Variants in KIF27 observed in about 807,000 individuals in gnomAD.
KIF27 encodes kinesin-like protein KIF27.
In KIF27, 84 loss-of-function variants were observed where a neutral mutation model predicts 141.8. The ratio of observed to expected loss-of-function variants is 0.59; its 90% CI spans 0.50 to 0.71. The LOEUF is 0.71. KIF27 is among the 30% of genes least tolerant of loss of function. KIF27 has a pLI of 0.00. For synonymous variants in KIF27, 471 were observed against 569.5 expected, an observed-to-expected ratio of 0.83 and a Z score of 2.46; for missense variants, 1,306 against 1,628.4, an observed-to-expected ratio of 0.80 and a Z score of 3.41.
intron 1 of KIF27, among the ~76,000 whole-genome samples, chr9:83,918,322 A>G (rs1955901307): frequency 1.7e-5 from 1 of 60,314 alleles, no homozygotes; most frequent in African/African-American, 1.1e-4. Context: ...AACGAGAGAA[A>G]TGGGGGGGGG....
In KIF27 at chr9:83,904,047, C is replaced by G. The variant is rs577293188; in HGVS notation, c.500-29G>C. On this transcript the variant is annotated intron_variant, in intron 3 of 17. Transcript: ENST00000297814. ...AAAATAGTAATAACATGTTTTTAAG[C>G]CAAGTTTTCATCAAAACCTAGTATA... The G allele has an allele frequency of 2.0e-5, 31 of 1,528,324 alleles. No individual in the cohort carries two copies. In the South Asian group the frequency reaches 3.7e-4, roughly 18 times the overall value. The allele number at this position is 1,528,324 out of a possible 1,614,324, so 94.7% of individuals were successfully genotyped here.
chr9:83,869,168 C>T (rs1257859140), intron 12 of KIF27, among the ~76,000 whole-genome samples: 1 of 151,960 alleles, frequency 6.6e-6, no homozygotes, highest in East Asian at 1.9e-4. Flanking sequence ...ACCCATGTCA[C>T]TATTAAATGT....
At chr9:83,857,258 G>C (rs1198986079) in intron 14 of KIF27, among the ~76,000 whole-genome samples, 1 of 152,168 alleles carries the variant, frequency 6.6e-6, no homozygotes, top group African/African-American at 2.4e-5. Flanking sequence ...CATTAAGATA[G>C]CAAACCATTC....
intron 3 of KIF27, among the ~76,000 whole-genome samples, chr9:83,904,760 A>G (rs1954318264): frequency 6.6e-6 from 1 of 151,608 alleles, no homozygotes; most frequent in Admixed American, 6.6e-5. Flanking sequence ...ATTAAAAGGC[A>G]TTCGTTTTTT....
intron 14 of KIF27, chr9:83,858,416 G>A (rs982690516): frequency 5.3e-5 from 8 of 152,006 alleles, no homozygotes; most frequent in African/African-American, 1.9e-4. Flanking sequence ...CCTTGGTTTG[G>A]TAATGATGAG....
intron 13 of KIF27, among the ~76,000 whole-genome samples, chr9:83,864,183 CTCTGA>C (rs1477767401): frequency 1.3e-5 from 2 of 152,146 alleles, no homozygotes; most frequent in African/African-American, 2.4e-5. Flanking sequence ...TTCAGTTCTG[CTCTGA>C]TCTTAGTTAT....
At chr9:83,876,245 C>G (rs947937258) in intron 11 of KIF27, among the ~76,000 whole-genome samples, 23 of 152,060 alleles carry the variant, frequency 1.5e-4, no homozygotes, top group South Asian at 8.3e-4. Flanking sequence ...TTTTCCATAG[C>G]TGCAATTAAA....
rs1280849053 is a variant in KIF27, at chr9:83,835,137, T to C, written c.*1864A>G. On this transcript the variant is annotated 3_prime_UTR_variant, in exon 18 of 18. Coordinates refer to ENST00000297814, the MANE Select transcript of KIF27 (RefSeq NM_017576.4). ...TTTACTTATGGAAATACAAACACAT[T>C]TCCTTATATACTTGTATATGTACAA... Among the ~76,000 whole-genome samples the C allele has an allele frequency of 6.7e-6, 1 of 149,962 alleles. No individual in the cohort carries two copies. The highest frequency in any genetic ancestry group is 1.5e-5 in the Non-Finnish European group (1 of 67,488).
In KIF27 at chr9:83,864,304, G is replaced by T. The variant is rs180952543; in HGVS notation, c.2934+3380C>A. Among the ~76,000 whole-genome samples, 133 of 152,112 alleles carry T rather than the reference G, an allele frequency of 8.7e-4. 1 individual carries two copies. Among genetic ancestry groups the T allele is most frequent in the African/African-American group, 3.1e-3 (129 of 41,492 alleles). ...TAGATCTTTCCTGCTTTCTCTTGTC[G>T]GCATTTAGTGCTATAAATTTCCCTC... On this transcript the variant is annotated intron_variant, in intron 13 of 17. Coordinates refer to ENST00000297814, the MANE Select transcript of KIF27 (RefSeq NM_017576.4).
Position 83,835,686 on chromosome 9 carries a change from G to A in KIF27, c.*1315C>T, listed in dbSNP as rs1010871081. Reference sequence around the variant, plus strand: ...AGATGATCAAATCCACAGCAACAGAGGAAAGGACAAAAGGAAAAGGTCTGT... The same window carrying A: ...AGATGATCAAATCCACAGCAACAGAAGAAAGGACAAAAGGAAAAGGTCTGT... On this transcript the variant is annotated 3_prime_UTR_variant, in exon 18 of 18. Coordinates refer to ENST00000297814, the MANE Select transcript of KIF27 (RefSeq NM_017576.4). 6.6e-6 allele frequency: 1 copy of A among 151,962 alleles called. No homozygotes were observed. Among genetic ancestry groups the A allele is most frequent in the Non-Finnish European group, 1.5e-5 (1 of 68,006 alleles). The allele number at this position is 151,962 out of a possible 1,614,324, so 9.4% of individuals were successfully genotyped here. A position where few individuals can be genotyped will look rare whatever the true frequency, so the allele number is the denominator to read the frequency against.
intron 17 of KIF27, among the ~76,000 whole-genome samples, chr9:83,839,998 T>C (rs1946380857): frequency 6.6e-6 from 1 of 152,100 alleles, no homozygotes; most frequent in Non-Finnish European, 1.5e-5. Context: ...AAGATAGTTA[T>C]TAACTAGGAT....
intron 11 of KIF27, among the ~76,000 whole-genome samples, chr9:83,872,925 A>G (rs937022908): frequency 6.6e-5 from 10 of 152,208 alleles, no homozygotes; most frequent in African/African-American, 2.2e-4. Flanking sequence ...CTTGCTGAAA[A>G]AGCAGAGAGG....
intron 3 of KIF27, among the ~76,000 whole-genome samples, chr9:83,906,545 A>G (rs1177664929): frequency 3.3e-5 from 5 of 152,030 alleles, no homozygotes; most frequent in Non-Finnish European, 7.4e-5. Context: ...GTTCAAGACC[A>G]GCCTGGGCAA....
At chr9:83,878,327 T>C (rs1951400923) in intron 11 of KIF27, among the ~76,000 whole-genome samples, 1 of 152,078 alleles carries the variant, frequency 6.6e-6, no homozygotes, top group Non-Finnish European at 1.5e-5. Context: ...GCTGCTGCTA[T>C]GGAGAACAGT....
intron 17 of KIF27, among the ~76,000 whole-genome samples, chr9:83,839,799 C>A (rs1025806180): frequency 6.6e-6 from 1 of 152,066 alleles, no homozygotes; most frequent in Non-Finnish European, 1.5e-5. Context: ...AAAAAATTAG[C>A]CGGGCCTGAT....
At chr9:83,916,554 T>C (rs1266714252) in intron 1 of KIF27, among the ~76,000 whole-genome samples, 1 of 152,254 alleles carries the variant, frequency 6.6e-6, no homozygotes, top group African/African-American at 2.4e-5. Context: ...TACTTATTTC[T>C]GAAGATCTCT....
At chr9:83,911,389 C>A (rs1564010018) in intron 2 of KIF27, among the ~76,000 whole-genome samples, 2 of 151,914 alleles carry the variant, frequency 1.3e-5, no homozygotes, top group African/African-American at 4.8e-5. Context: ...CACCACCACA[C>A]ATGGCTAATT....
At chr9:83,862,751 T>C (rs990497019) in intron 13 of KIF27, among the ~76,000 whole-genome samples, 8 of 152,212 alleles carry the variant, frequency 5.3e-5, no homozygotes, top group Non-Finnish European at 1.0e-4. Context: ...ATTGAATCTA[T>C]AAATTACCTT....
chr9:83,918,095 G>A lies in KIF27; in HGVS notation c.-87-2417C>T, dbSNP rs555046789. 9.8e-4 allele frequency among the ~76,000 whole-genome samples: 149 copies of A among 151,906 alleles called. 2 individuals are homozygous for A. The highest frequency in any genetic ancestry group is 9.6e-3 in the South Asian group (46 of 4,806). On this transcript the variant is annotated intron_variant, in intron 1 of 17. Transcript: ENST00000297814. ...CCCAGCCTGGGCAATATAGTGAGAC[G>A]CCATGTCTACAAAGAAATTTTTTTT...
Sources: gnomAD v4.1 joint callset for allele counts (sites outside exome capture counted in the v4.1 genomes callset) on GRCh38, gnomAD v4.1.1 for gene constraint, MANE v1.5 for transcripts, NCBI Gene and HGNC (gene_info 2026-07-23, HGNC 2026-07-21) for gene names.